ZNF184: variants seen among roughly 807,000 people sequenced by gnomAD.
ZNF184 encodes zinc finger protein 184 (Kruppel-like).
In ZNF184, 16 loss-of-function variants were observed where a neutral mutation model predicts 54.4. The ratio of observed to expected loss-of-function variants is 0.29; its 90% CI spans 0.20 to 0.45. The LOEUF is 0.45. ZNF184 is among the 20% of genes least tolerant of loss of function. The pLI is 1.00. For synonymous variants in ZNF184, 254 were observed against 295.3 expected (o/e 0.86, Z 1.43); for missense variants, 681 against 888.2 (o/e 0.77, Z 2.97).
At chr6:27,440,303 T>G in the ZNF184 span, among the ~76,000 whole-genome samples, 1 of 152,198 alleles carries the variant, frequency 6.6e-6, no homozygotes, top group East Asian at 1.9e-4. Context: ...TTTTGGAGAG[T>G]CTAACAATAT....
At chr6:27,461,125 G>A (rs1314069537) in intron 3 of ZNF184, among the ~76,000 whole-genome samples, 2 of 152,140 alleles carry the variant, frequency 1.3e-5, no homozygotes, top group Non-Finnish European at 2.9e-5. Context: ...ACTATAGCTG[G>A]TCATATGGCA....
intron 5 of ZNF184, among the ~76,000 whole-genome samples, chr6:27,454,633 GT>G (rs1762810978): frequency 6.6e-6 from 1 of 151,678 alleles, no homozygotes; most frequent in African/African-American, 2.4e-5. Context: ...CCTGGTTGGA[GT>G]TCCACTCAAA....
the ZNF184 span, among the ~76,000 whole-genome samples, chr6:27,444,992 AC>A: frequency 6.6e-6 from 1 of 152,196 alleles, no homozygotes; most frequent in Non-Finnish European, 1.5e-5. Context: ...AAACTCTCAA[AC>A]ATGGGTGGTG....
chr6:27,437,904 T>C, the ZNF184 span, among the ~76,000 whole-genome samples: 88,816 of 152,008 alleles, frequency 0.58, 26,459 homozygotes, highest in Middle Eastern at 0.74. Flanking sequence ...TCTGCTGGTA[T>C]CAATGTCCAT....
Position 27,453,306 on chromosome 6 carries a change from T to C in ZNF184, c.299-46A>G, listed in dbSNP as rs753624710. The C allele has an allele frequency of 1.7e-5, 25 of 1,492,038 alleles. No homozygotes were observed. The African/African-American group carries it at 3.4e-4, about 20-fold the overall frequency. 92.4% of individuals were successfully genotyped at this position (1,492,038 alleles called of 1,614,324 possible). A position where few individuals can be genotyped will look rare whatever the true frequency, so the allele number is the denominator to read the frequency against. ...CAGTGTTCTCTGAATAGAGAAAAAA[T>C]AAACTGCTATTGTGGGAATAATATA... On this transcript the variant is annotated intron_variant, in intron 5 of 5. Transcript: ENST00000683788. The surrounding 1 kb of genome is among the most constrained non-coding windows in gnomAD (Gnocchi z 4.7).
chr6:27,414,449 C>G, the ZNF184 span, among the ~76,000 whole-genome samples: 14 of 152,142 alleles, frequency 9.2e-5, no homozygotes, highest in Admixed American at 7.9e-4. Flanking sequence ...CCTTCATGAC[C>G]TCTTGAGTCT....
At chr6:27,409,079 A>G in the ZNF184 span, among the ~76,000 whole-genome samples, 1 of 152,228 alleles carries the variant, frequency 6.6e-6, no homozygotes, top group African/African-American at 2.4e-5. Context: ...AGAAGAAGTA[A>G]CAGATGGTAA....
downstream of ZNF184, among the ~76,000 whole-genome samples, chr6:27,446,932 G>A (rs1267765743): frequency 2.0e-5 from 3 of 152,082 alleles, no homozygotes; most frequent in East Asian, 5.8e-4. Flanking sequence ...ATCATTTGAG[G>A]TCAGGAGTTC....
intron 2 of ZNF184, among the ~76,000 whole-genome samples, chr6:27,470,960 GAAA>G (rs1763259999): frequency 6.6e-6 from 1 of 152,132 alleles, no homozygotes; most frequent in Non-Finnish European, 1.5e-5. Flanking sequence ...AAAAATTGAA[GAAA>G]AGTATGGACC....
downstream of ZNF184, among the ~76,000 whole-genome samples, chr6:27,448,232 A>C: frequency 6.6e-6 from 1 of 151,998 alleles, no homozygotes; most frequent in East Asian, 1.9e-4. Flanking sequence ...AAGCCACCCT[A>C]ACTTCTCTCT....
At position 27,451,372 on chromosome 6, in the gene ZNF184, A is replaced by G. The variant is rs886666798; in HGVS notation, c.2187T>C (p.Asn729=). 7 of 1,614,102 alleles carry G rather than the reference A, an allele frequency of 4.3e-6. No homozygotes were observed. The highest frequency in any genetic ancestry group is 5.9e-6 in the Non-Finnish European group (7 of 1,179,974). ...IHSGEKPFGC[N]DCGKSFRYRS... ...GATATCTGAAGGATTTTCCACAATC[A>G]TTACATCCAAAAGGCTTCTCTCCTG... The change falls in exon 6 of 6, where the codon AAT becomes AAC. Residue 729 remains asparagine, a synonymous_variant. Transcript: ENST00000683788.
At chr6:27,454,790 C>G (rs1762815429) in intron 5 of ZNF184, among the ~76,000 whole-genome samples, 1 of 152,194 alleles carries the variant, frequency 6.6e-6, no homozygotes, top group South Asian at 2.1e-4. Flanking sequence ...AAAATACCAT[C>G]CCTATTGCAG....
At chr6:27,465,210 C>T (rs1282841254) in intron 3 of ZNF184, among the ~76,000 whole-genome samples, 3 of 150,340 alleles carry the variant, frequency 2.0e-5, no homozygotes, top group Non-Finnish European at 4.4e-5. Context: ...CCCGGCAGGG[C>T]GCGGTGGCTC....
chr6:27,465,001 A>G (rs1200429604), intron 3 of ZNF184, among the ~76,000 whole-genome samples: 3 of 123,848 alleles, frequency 2.4e-5, no homozygotes, highest in Non-Finnish European at 4.9e-5. Context: ...TGGGCGACAG[A>G]GCAAGACTCT....
chr6:27,434,895 C>T, the ZNF184 span, among the ~76,000 whole-genome samples: 2 of 152,192 alleles, frequency 1.3e-5, no homozygotes, highest in African/African-American at 2.4e-5. Context: ...TTCCCAGAGC[C>T]ATTTGTTGAA....
At chr6:27,446,104 CTAAG>C (rs1443632920), downstream of ZNF184, among the ~76,000 whole-genome samples, 1 of 152,168 alleles carries the variant, frequency 6.6e-6, no homozygotes, top group Non-Finnish European at 1.5e-5. Flanking sequence ...GGAGAGAAAA[CTAAG>C]TGTGTGGCTA....
chr6:27,440,286 G>C, the ZNF184 span, among the ~76,000 whole-genome samples: 1 of 152,184 alleles, frequency 6.6e-6, no homozygotes, highest in Non-Finnish European at 1.5e-5. Context: ...GCACCCAAGA[G>C]AGTCAGTTTT....
the ZNF184 span, among the ~76,000 whole-genome samples, chr6:27,412,323 G>C: frequency 6.6e-6 from 1 of 152,306 alleles, no homozygotes; most frequent in Non-Finnish European, 1.5e-5. Flanking sequence ...AGCTGGGCCA[G>C]TTGGGTCAGC....
rs1169114725 is a variant in ZNF184 at position 27,465,494 on chromosome 6, A to AG, written c.75+2358_75+2359insC. On this transcript the variant is annotated intron_variant, in intron 3 of 5. Coordinates refer to ENST00000683788, the MANE Select transcript of ZNF184 (RefSeq NM_001318891.2). ...AAAGAGACTCCATCTCAAAAAAAAAAAAAAAAAAAAAAAAAGCAAAACCCA... is the reference window on the plus strand; with the variant it reads ...AAAGAGACTCCATCTCAAAAAAAAAAGAAAAAAAAAAAAAAAGCAAAACCCA... 8.0e-5 allele frequency among the ~76,000 whole-genome samples: 12 copies of AG among 149,552 alleles called. No individual in the cohort carries two copies. The East Asian group carries it at 2.3e-3, about 29-fold the overall frequency.
Sources: allele counts gnomAD v4.1 joint callset (sites outside exome capture counted in the v4.1 genomes callset), GRCh38; gene constraint gnomAD v4.1.1; non-coding constraint Gnocchi (gnomAD v3.1); transcripts MANE v1.5; gene names NCBI Gene and HGNC (gene_info 2026-07-23, HGNC 2026-07-21).